Variants in ANKS1B observed in about 807,000 individuals in gnomAD.
The protein encoded by ANKS1B is ankyrin repeat and sterile alpha motif domain-containing protein 1B.
In ANKS1B, 36 loss-of-function variants were observed where a neutral mutation model predicts 148.3. The ratio of observed to expected loss-of-function variants is 0.24; its 90% CI spans 0.19 to 0.32. ANKS1B has a LOEUF of 0.32. Among genes scored for constraint, ANKS1B ranks in the 10% least tolerant of loss-of-function variants. The pLI, the probability that ANKS1B is intolerant of heterozygous loss-of-function variation, is 1.00. For missense variants in ANKS1B, 1,157 were observed against 1,542.6 expected (o/e 0.75, Z 4.19); for synonymous variants, 542 against 560.8 (o/e 0.97, Z 0.47).
intron 9 of ANKS1B, among the ~76,000 whole-genome samples, chr12:99,550,477 A>C (rs534902147): frequency 9.2e-5 from 14 of 152,188 alleles, no homozygotes; most frequent in South Asian, 4.1e-4. Flanking sequence ...TATACAAGTT[A>C]GCTGGGCATG....
At chr12:99,200,815 CTCTTTT>C (rs2153897170) in intron 14 of ANKS1B, among the ~76,000 whole-genome samples, 1 of 152,290 alleles carries the variant, frequency 6.6e-6, no homozygotes, top group African/African-American at 2.4e-5. Flanking sequence ...GAAGTCTTTG[CTCTTTT>C]TCTTTCCTAT....
intron 12 of ANKS1B, among the ~76,000 whole-genome samples, chr12:99,299,915 T>C (rs1424184077): frequency 6.6e-6 from 1 of 152,258 alleles, no homozygotes; most frequent in East Asian, 1.9e-4. Context: ...AAAGGAACAA[T>C]GAATGATCTG....
Position 99,083,234 on chromosome 12 carries a change from G to C in ANKS1B, c.2625+1691C>G, listed in dbSNP as rs192552299. On this transcript the variant is annotated intron_variant, in intron 16 of 26. Coordinates refer to ENST00000683438, the MANE Select transcript of ANKS1B (RefSeq NM_001352186.2). ...ATATTTACTTTTCCCACTTAGGGAG[G>C]GAGAAAGTATAGCCTCTCTAGAAAG... is the stretch of plus-strand genomic sequence containing the variant. Among the ~76,000 whole-genome samples the C allele has an allele frequency of 4.6e-3, 694 of 152,252 alleles. 20 individuals carry two copies. Among genetic ancestry groups the C allele is most frequent in the Non-Finnish European group, 1.8e-3 (123 of 68,022 alleles).
At chr12:99,784,792 A>T (rs2153636909) in intron 4 of ANKS1B, among the ~76,000 whole-genome samples, 1 of 152,312 alleles carries the variant, frequency 6.6e-6, no homozygotes, top group African/African-American at 2.4e-5. Flanking sequence ...GATATCTCGA[A>T]TCTTAGCTTA....
intron 9 of ANKS1B, among the ~76,000 whole-genome samples, chr12:99,647,155 A>G (rs1173653217): frequency 6.6e-6 from 1 of 152,220 alleles, no homozygotes; most frequent in Non-Finnish European, 1.5e-5. Flanking sequence ...GTGGTCTTAC[A>G]TAAATTGAAT....
intron 17 of ANKS1B, among the ~76,000 whole-genome samples, chr12:98,971,210 C>G (rs2099882804): frequency 6.6e-6 from 1 of 152,208 alleles, no homozygotes; most frequent in Non-Finnish European, 1.5e-5. Context: ...GGTTAAACTT[C>G]AACTTGAACC....
At chr12:99,360,413 TA>T (rs2092371772) in intron 12 of ANKS1B, among the ~76,000 whole-genome samples, 1 of 152,108 alleles carries the variant, frequency 6.6e-6, no homozygotes, top group African/African-American at 2.4e-5. Context: ...AAATATCGAA[TA>T]CTAAATAATA....
intron 12 of ANKS1B, among the ~76,000 whole-genome samples, chr12:99,322,760 A>T (rs943060647): frequency 6.6e-6 from 1 of 152,164 alleles, no homozygotes; most frequent in Admixed American, 6.5e-5. Context: ...TCTCATCTTG[A>T]ATTGTAGCTC....
intron 17 of ANKS1B, among the ~76,000 whole-genome samples, chr12:98,868,865 C>G (rs1241272219): frequency 2.0e-5 from 3 of 152,208 alleles, no homozygotes; most frequent in African/African-American, 7.2e-5. Flanking sequence ...CTAATCTTTA[C>G]TCAGTACCTT....
chr12:99,290,855 A>C (rs1354209359), intron 12 of ANKS1B, among the ~76,000 whole-genome samples: 1 of 152,082 alleles, frequency 6.6e-6, no homozygotes, highest in Non-Finnish European at 1.5e-5. Context: ...TCAGTTTTGA[A>C]GATCTGGAAC....
intron 9 of ANKS1B, among the ~76,000 whole-genome samples, chr12:99,521,969 C>T (rs531808138): frequency 5.3e-5 from 8 of 152,260 alleles, no homozygotes; most frequent in East Asian, 3.9e-4. Context: ...CCCTTTAGGG[C>T]GGGAAGTTCC....
chr12:99,205,177 T>C (rs960416909), intron 14 of ANKS1B, among the ~76,000 whole-genome samples: 4 of 152,208 alleles, frequency 2.6e-5, no homozygotes, highest in Non-Finnish European at 5.9e-5. Context: ...TGCGAGATGA[T>C]GGCCAAATCT....
At chr12:99,666,547 T>C (rs1326371926) in intron 8 of ANKS1B, among the ~76,000 whole-genome samples, 3 of 152,186 alleles carry the variant, frequency 2.0e-5, no homozygotes, top group Non-Finnish European at 4.4e-5. Flanking sequence ...AGGGGTGGTA[T>C]ATCTTTGCAC....
chr12:99,844,305 G>A (rs1001484987), intron 1 of ANKS1B, among the ~76,000 whole-genome samples: 4 of 152,092 alleles, frequency 2.6e-5, no homozygotes, highest in Admixed American at 2.6e-4. Context: ...TCATCATGAA[G>A]TCTTTGTCCA....
At chr12:99,184,422 C>T (rs896203383) in intron 14 of ANKS1B, among the ~76,000 whole-genome samples, 3 of 152,088 alleles carry the variant, frequency 2.0e-5, no homozygotes, top group Admixed American at 2.0e-4. Context: ...AGAACATGTA[C>T]AGAATAAAGA....
chr12:98,929,469 C>T (rs1418264508), intron 17 of ANKS1B, among the ~76,000 whole-genome samples: 1 of 151,874 alleles, frequency 6.6e-6, no homozygotes, highest in Admixed American at 6.6e-5. Context: ...AAGATAGCCA[C>T]AAAAATCTTG....
intron 17 of ANKS1B, among the ~76,000 whole-genome samples, chr12:98,919,861 A>G (rs1199294907): frequency 3.3e-5 from 5 of 152,184 alleles, no homozygotes. Flanking sequence ...CCAGTTCCAG[A>G]GACTAGCAAA....
chr12:99,928,318 C>T (rs868136899), intron 1 of ANKS1B, among the ~76,000 whole-genome samples: 99 of 148,834 alleles, frequency 6.7e-4, no homozygotes, highest in South Asian at 3.8e-3. Context: ...GTCGCCCAGG[C>T]CGGACTGCGG....
intron 12 of ANKS1B, among the ~76,000 whole-genome samples, chr12:99,398,231 A>T (rs1441686555): frequency 6.6e-6 from 1 of 152,116 alleles, no homozygotes; most frequent in African/African-American, 2.4e-5. Context: ...CATTCCCATT[A>T]GTCATTGTTT....
Sources: allele counts gnomAD v4.1 joint callset (sites outside exome capture counted in the v4.1 genomes callset), GRCh38; gene constraint gnomAD v4.1.1; transcripts MANE v1.5; gene names NCBI Gene and HGNC (gene_info 2026-07-23, HGNC 2026-07-21).